The following CCDC88A variants were observed in gnomAD, a reference collection of about 807,000 sequenced individuals.
CCDC88A encodes the protein coiled-coil and HOOK domain protein 88A, also known as girdin.
In CCDC88A, 54 loss-of-function variants were observed where a neutral mutation model predicts 234.3. The observed-to-expected ratio is 0.23, with a 90% CI of 0.19 to 0.29. The LOEUF (loss-of-function observed/expected upper bound fraction) is 0.29, where lower values mean the gene tolerates loss of function less well. CCDC88A is among the 10% of genes least tolerant of loss of function. The pLI is 1.00. For missense variants in CCDC88A, 1,832 were observed against 2,123.4 expected (o/e 0.86, Z 2.70); for synonymous variants, 753 against 737.8 (o/e 1.02, Z -0.33).
chr2:55,336,842 CAATACGTTA>C, intron 13 of CCDC88A, 24 bp from the exon 14 acceptor site: 1 of 1,441,762 alleles, frequency 6.9e-7, no homozygotes, highest in Non-Finnish European at 9.6e-7. Context: ...AATCACAAAA[CAATACGTTA>C]AATATTCTGT....
chr2:55,312,578 A>G lies in CCDC88A; in HGVS notation c.3935T>C (p.Leu1312Ser). 1.2e-6 allele frequency: 2 copies of G among 1,603,888 alleles called. No homozygotes were observed. The highest frequency in any genetic ancestry group is 1.7e-6 in the Non-Finnish European group (2 of 1,174,290). ...TAAATTTCCTTTAAGTTGGCTTAGC[A>G]ACTGTTTAAACACAAACATTTTTTA... ...TSTKLNNQCE[L>S]LSQLKGNLEE... is the part of the protein sequence containing the mutation. Residue 1312 changes from leucine (L) to serine (S), a missense_variant and splice_region_variant, in exon 23 of 33, where the codon TTG (leucine) becomes TCG (serine). Transcript: ENST00000436346.
chr2:55,384,530 T>TATATAC lies in CCDC88A; in HGVS notation c.273+4247_273+4248insGTATAT, dbSNP rs371342949. On this transcript the variant is annotated intron_variant, in intron 3 of 32. Coordinates refer to ENST00000436346, the MANE Select transcript of CCDC88A (RefSeq NM_001365480.1). Reference sequence around the variant, plus strand: ...ATATTATATATAAATTATATATATATACATATATACGTATATATGTGTATA... The same window carrying TATATAC: ...ATATTATATATAAATTATATATATATATATACACATATATACGTATATATGTGTATA... Among the ~76,000 whole-genome samples, 6 of 73,420 alleles carry TATATAC rather than the reference T, an allele frequency of 8.2e-5. 2 individuals are homozygous for TATATAC. Among genetic ancestry groups the TATATAC allele is most frequent in the African/African-American group, 1.8e-4 (3 of 16,948 alleles). The allele number at this position is 73,420 out of a possible 152,430, so 48.2% of individuals were successfully genotyped here.
At chr2:55,307,660 T>A (rs996791179) in intron 25 of CCDC88A, among the ~76,000 whole-genome samples, 9 of 152,050 alleles carry the variant, frequency 5.9e-5, no homozygotes, top group South Asian at 2.1e-4. Context: ...GGCCTAATTT[T>A]TTTTAAATAA....
chr2:55,397,362 T>G (rs1677800101), intron 2 of CCDC88A: 1 of 152,186 alleles, frequency 6.6e-6, no homozygotes, highest in Non-Finnish European at 1.5e-5. Flanking sequence ...CCCAAAGTGC[T>G]GGGACAACAA....
intron 25 of CCDC88A, 55 bp from the exon 26 acceptor site, chr2:55,303,207 GAGA>G: frequency 1.9e-6 from 2 of 1,029,494 alleles, no homozygotes; most frequent in Admixed American, 2.0e-5. Context: ...AGAAAAAAGG[GAGA>G]AGAACAGATG....
intron 12 of CCDC88A, 65 bp downstream of exon 12, chr2:55,343,583 G>T (rs1029835823): frequency 4.7e-6 from 6 of 1,269,742 alleles, no homozygotes; most frequent in African/African-American, 4.5e-5. Context: ...ATAAAGAACT[G>T]CAAGTAAACA....
rs868776025 is a variant in CCDC88A at position 55,316,131 on chromosome 2, T to A, written c.3747-17A>T. On this transcript the variant is annotated splice_polypyrimidine_tract_variant and intron_variant, in intron 21 of 32. Coordinates refer to ENST00000436346, the MANE Select transcript of CCDC88A (RefSeq NM_001365480.1). ...TGATTCAGCCTATAATTAGAAATCA[T>A]AGAAATATAATTAGATTATCTTAAT... The A allele has an allele frequency of 2.7e-6, 3 of 1,119,640 alleles. No homozygotes were observed. The highest frequency in any genetic ancestry group is 3.1e-4 in the Middle Eastern group (1 of 3,188). The allele number at this position is 1,119,640 out of a possible 1,614,324, so 69.4% of individuals were successfully genotyped here.
At chr2:55,356,560 T>C (rs1670606700) in intron 7 of CCDC88A, 1 of 152,032 alleles carries the variant, frequency 6.6e-6, no homozygotes. Context: ...CAAAAGTGAT[T>C]TGGCCAGAAC....
intron 31 of CCDC88A, chr2:55,293,810 A>T (rs887218840): frequency 4.6e-5 from 7 of 152,112 alleles, no homozygotes; most frequent in African/African-American, 1.7e-4. Flanking sequence ...GTTTTTAGCA[A>T]TCTGGGAGTT....
chr2:55,315,700 C>T (rs781371647), intron 22 of CCDC88A, among the ~76,000 whole-genome samples: 30 of 152,070 alleles, frequency 2.0e-4, no homozygotes, highest in Non-Finnish European at 3.8e-4. Flanking sequence ...TTACAATTTT[C>T]AAAGAATTTG....
chr2:55,297,340 T>TTATATAGTATATATAAATATATATAA (rs1553385720), intron 29 of CCDC88A, among the ~76,000 whole-genome samples: 4 of 36,862 alleles, frequency 1.1e-4, no homozygotes, highest in Non-Finnish European at 1.9e-4. Context: ...ATATATAAAT[T>TTATATAGTATATATAAATATATATAA]TATATATTAT....
At chr2:55,410,064 C>G (rs907860163) in intron 2 of CCDC88A, among the ~76,000 whole-genome samples, 2 of 152,086 alleles carry the variant, frequency 1.3e-5, no homozygotes, top group Non-Finnish European at 2.9e-5. Flanking sequence ...TTAAATGACA[C>G]TCCAGGTGCC....
At position 55,317,641 on chromosome 2, in the gene CCDC88A, T is replaced by G; in HGVS notation, c.3525A>C (p.Glu1175Asp). ...LLHERQASEYESLISKHGTLK... is the reference protein window; with the variant it reads ...LLHERQASEYDSLISKHGTLK... ...GAGTTCCATGTTTAGAGATAAGAGA[T>G]TCATACTCTGAAGCCTGACGTTCAT... The change falls in exon 20 of 33, where the codon GAA becomes GAC. Residue 1175 changes from glutamate (E) to aspartate (D), a missense_variant. Physicochemically the swap from Glu to Asp is conservative, Grantham distance 45 (BLOSUM62 2). This residue lies in a region of CCDC88A where 1,282 missense variants were observed against 1,543.6 expected (regional missense o/e 0.83). Coordinates refer to ENST00000436346, the MANE Select transcript of CCDC88A (RefSeq NM_001365480.1). This position sits in a 1 kb window ranked among gnomAD's most constrained non-coding sequence, Gnocchi z 4.2. The G allele has an allele frequency of 6.2e-7, 1 of 1,612,622 alleles. No homozygotes were observed. Among genetic ancestry groups the G allele is most frequent in the Non-Finnish European group, 8.5e-7 (1 of 1,178,848 alleles).
intron 31 of CCDC88A, chr2:55,295,348 G>A (rs1187663308): frequency 6.6e-7 from 1 of 1,518,256 alleles, no homozygotes; most frequent in Admixed American, 2.0e-5. Context: ...GATAAGAATG[G>A]CTGAGATGAA....
intron 25 of CCDC88A, 102 bp from the exon 26 acceptor site, chr2:55,303,254 ATGTT>A: frequency 1.3e-6 from 1 of 749,482 alleles, no homozygotes; most frequent in Admixed American, 2.0e-5. Context: ...ACAGAAATGA[ATGTT>A]TGAGTTTTAG....
intron 13 of CCDC88A, 36 bp from the exon 14 acceptor site, chr2:55,336,854 T>C: frequency 7.2e-7 from 1 of 1,390,594 alleles, no homozygotes; most frequent in Non-Finnish European, 1.0e-6. Context: ...ATACGTTAAA[T>C]ATTCTGTAAC....
intron 3 of CCDC88A, among the ~76,000 whole-genome samples, chr2:55,380,999 A>G (rs1446526333): frequency 6.6e-6 from 1 of 152,258 alleles, no homozygotes; most frequent in Non-Finnish European, 1.5e-5. Context: ...TTGGTCAACA[A>G]TAAACCATAT....
chr2:55,310,647 A>G (rs564466155), intron 23 of CCDC88A, among the ~76,000 whole-genome samples: 35 of 152,174 alleles, frequency 2.3e-4, no homozygotes, highest in Non-Finnish European at 4.4e-4. Context: ...TTGAGAGGGA[A>G]GGCTGAATTA....
At chr2:55,383,341 C>T (rs748416779) in intron 3 of CCDC88A, among the ~76,000 whole-genome samples, 3 of 151,898 alleles carry the variant, frequency 2.0e-5, no homozygotes, top group Non-Finnish European at 2.9e-5. Context: ...TAAAATGGCC[C>T]GGCACGGTGG....
Sources: allele counts gnomAD v4.1 joint callset (sites outside exome capture counted in the v4.1 genomes callset), GRCh38; gene constraint gnomAD v4.1.1; regional missense constraint gnomAD v4.1.1; non-coding constraint Gnocchi (gnomAD v3.1); transcripts MANE v1.5; gene names NCBI Gene and HGNC (gene_info 2026-07-23, HGNC 2026-07-21).